The following SLC2A5 variants were observed in gnomAD, a reference collection of about 807,000 sequenced individuals.
SLC2A5 encodes the protein solute carrier family 2 member 5.
In SLC2A5, 56 loss-of-function variants were observed where a neutral mutation model predicts 50.3. The observed-to-expected ratio is 1.11, with a 90% CI of 0.90 to 1.39. SLC2A5 has a LOEUF of 1.39. Among genes scored for constraint, SLC2A5 ranks in the 40% most tolerant of loss-of-function variants. SLC2A5 has a pLI of 0.00. For synonymous variants in SLC2A5, 269 were observed against 281.9 expected (o/e 0.95, Z 0.46); for missense variants, 566 against 650.1 (o/e 0.87, Z 1.41).
At chr1:9,070,033 C>T (rs1237852160), upstream of SLC2A5, among the ~76,000 whole-genome samples, 1 of 148,410 alleles carries the variant, frequency 6.7e-6, no homozygotes, top group African/African-American at 2.5e-5. Context: ...TTGCCCAAGT[C>T]ACCGTGTAAT....
intron 3 of SLC2A5, among the ~76,000 whole-genome samples, 172 bp from the exon 4 acceptor site, chr1:9,047,906 T>C (rs1641477223): frequency 6.6e-6 from 1 of 152,120 alleles, no homozygotes; most frequent in African/African-American, 2.4e-5. Flanking sequence ...TGGCCTGGTG[T>C]GGGAATACGC....
intron 1 of SLC2A5, among the ~76,000 whole-genome samples, chr1:9,060,487 ACCCCCCCACATATG>A (rs1641905180): frequency 1.2e-5 from 1 of 84,554 alleles, no homozygotes; most frequent in African/African-American, 4.2e-5. Flanking sequence ...CCCATACCCC[ACCCCCCCACATATG>A]CACACATACA....
chr1:9,081,436 C>T (rs1406876147), intron 2 of SLC2A5, among the ~76,000 whole-genome samples: 3 of 142,202 alleles, frequency 2.1e-5, no homozygotes, highest in African/African-American at 7.8e-5. Context: ...AGTTCAAGTC[C>T]AGCCTGGGCA....
intron 1 of SLC2A5, among the ~76,000 whole-genome samples, chr1:9,061,699 C>G (rs1641949174): frequency 6.6e-6 from 1 of 152,188 alleles, no homozygotes; most frequent in East Asian, 1.9e-4. Context: ...CTTGACCACT[C>G]CCTCAGTCTG....
chr1:9,040,227 C>A lies in SLC2A5; in HGVS notation c.572-38G>T. ...CAGCGAGCTGGCACCAGCGGCCTCC[C>A]CACCACCCCGAAGGCGCCCTCTGCA... On this transcript the variant is annotated intron_variant, in intron 5 of 11. Transcript: ENST00000377424. The surrounding 1 kb of genome is among the most constrained non-coding windows in gnomAD (Gnocchi z 4.3). 1 of 1,537,650 alleles carries A rather than the reference C, an allele frequency of 6.5e-7. No individual in the cohort carries two copies. Among genetic ancestry groups the A allele is most frequent in the South Asian group, 1.2e-5 (1 of 83,334 alleles).
At chr1:9,079,938 C>T (rs1249223471) in intron 2 of SLC2A5, among the ~76,000 whole-genome samples, 3 of 152,166 alleles carry the variant, frequency 2.0e-5, no homozygotes, top group South Asian at 4.1e-4. Flanking sequence ...ACTGAAACTC[C>T]GTCCCCATTA....
intron 1 of SLC2A5, among the ~76,000 whole-genome samples, chr1:9,059,400 C>T (rs1321078337): frequency 6.6e-6 from 1 of 151,888 alleles, no homozygotes; most frequent in East Asian, 1.9e-4. Context: ...GCCTTGGCCT[C>T]CCAAAGTACT....
chr1:9,088,798 A>C (rs1027107479), upstream of SLC2A5, among the ~76,000 whole-genome samples: 3 of 151,974 alleles, frequency 2.0e-5, no homozygotes, highest in Non-Finnish European at 4.4e-5. Context: ...CAACAACAAC[A>C]ACAACAGCAA....
At chr1:9,060,050 CCA>C (rs1192653832) in intron 1 of SLC2A5, among the ~76,000 whole-genome samples, 8 of 143,048 alleles carry the variant, frequency 5.6e-5, no homozygotes, top group South Asian at 4.6e-4. Flanking sequence ...TACACACACA[CCA>C]CACACACACA....
chr1:9,075,323 G>A (rs528481887), intron 2 of SLC2A5, among the ~76,000 whole-genome samples: 1 of 152,240 alleles, frequency 6.6e-6, no homozygotes, highest in East Asian at 1.9e-4. Flanking sequence ...ACAGAAGAAG[G>A]CAGGTTAGCT....
At chr1:9,041,647 C>T (rs1240386170) in intron 5 of SLC2A5, 138 bp downstream of exon 5, 2 of 1,527,076 alleles carry the variant, frequency 1.3e-6, no homozygotes, top group Admixed American at 2.1e-5. Context: ...CAGGATGGGC[C>T]CCCCAAGGAC....
intron 1 of SLC2A5, among the ~76,000 whole-genome samples, chr1:9,085,416 A>G (rs943153658): frequency 6.6e-6 from 1 of 152,218 alleles, no homozygotes; most frequent in African/African-American, 2.4e-5. Context: ...TCTGGTTGAT[A>G]ATTGTTTGAA....
chr1:9,063,671 CTA>C (rs1421830249), intron 1 of SLC2A5, among the ~76,000 whole-genome samples: 3 of 130,654 alleles, frequency 2.3e-5, no homozygotes, highest in Non-Finnish European at 1.6e-5. Flanking sequence ...ACACATCAGG[CTA>C]TTATTTACTT....
Position 9,060,506 on chromosome 1 carries a change from C to T in SLC2A5, c.34-2256G>A, listed in dbSNP as rs559696871. Reference sequence around the variant, plus strand: ...TACCCCACCCCCCCACATATGCACACATACATACACCACACACACATCATA... The same window carrying T: ...TACCCCACCCCCCCACATATGCACATATACATACACCACACACACATCATA... On this transcript the variant is annotated intron_variant, in intron 1 of 11. Coordinates refer to ENST00000377424, the MANE Select transcript of SLC2A5 (RefSeq NM_003039.3). Among the ~76,000 whole-genome samples, 204 of 127,660 alleles carry T rather than the reference C, an allele frequency of 1.6e-3. 1 individual carries two copies. The highest frequency in any genetic ancestry group is 5.2e-3 in the African/African-American group (191 of 36,648). 83.7% of individuals were successfully genotyped at this position (127,660 alleles called of 152,430 possible).
chr1:9,057,053 G>A (rs1641773003), intron 3 of SLC2A5, among the ~76,000 whole-genome samples: 1 of 152,102 alleles, frequency 6.6e-6, no homozygotes, highest in Non-Finnish European at 1.5e-5. Flanking sequence ...GCACTCTGGG[G>A]GGCTGAGGCG....
At chr1:9,078,408 G>A (rs11121317) in intron 2 of SLC2A5, among the ~76,000 whole-genome samples, 165 of 151,980 alleles carry the variant, frequency 1.1e-3, no homozygotes, top group African/African-American at 3.7e-3. Context: ...CACTTTACTC[G>A]GTCCCTATTC....
At chr1:9,088,391 GCCCCTT>G (rs1642424344) in exon 1 of SLC2A5, 1 of 152,114 alleles carries the variant, frequency 6.6e-6, no homozygotes, top group Non-Finnish European at 1.5e-5. Context: ...AACTACTCCA[GCCCCTT>G]GGGTGGCTGC....
At chr1:9,083,920 G>A (rs12732432) in intron 2 of SLC2A5, among the ~76,000 whole-genome samples, 13,112 of 151,954 alleles carry the variant, frequency 0.086, 694 homozygotes, top group Middle Eastern at 0.19. Context: ...CGAGGCGGGC[G>A]GATCACGAGG....
intron 1 of SLC2A5, among the ~76,000 whole-genome samples, chr1:9,061,184 AG>A (rs1641932992): frequency 1.3e-5 from 2 of 150,084 alleles, no homozygotes; most frequent in Non-Finnish European, 3.0e-5. Context: ...CAGGAGGCTG[AG>A]GTGGAAGGAT....
Sources: gnomAD v4.1 joint callset for allele counts (sites outside exome capture counted in the v4.1 genomes callset) on GRCh38, gnomAD v4.1.1 for gene constraint, Gnocchi (gnomAD v3.1) non-coding constraint, MANE v1.5 for transcripts, NCBI Gene and HGNC (gene_info 2026-07-23, HGNC 2026-07-21) for gene names.